The following STXBP3 variants were observed in gnomAD, a reference collection of about 807,000 sequenced individuals.
The protein encoded by STXBP3 is syntaxin-binding protein 3.
STXBP3 carries 41 observed loss-of-function variants against 85.7 expected under a neutral mutation model. The observed-to-expected ratio is 0.48, with a 90% CI of 0.37 to 0.62. STXBP3 has a LOEUF of 0.62. STXBP3 is among the 20% of genes least tolerant of loss of function. The pLI is 0.00. For missense variants in STXBP3, 563 were observed against 703.1 expected, an observed-to-expected ratio of 0.80 and a Z score of 2.25; for synonymous variants, 229 against 231.7, an observed-to-expected ratio of 0.99 and a Z score of 0.10.
At chr1:108,777,556 C>T (rs1474805693) in intron 8 of STXBP3, among the ~76,000 whole-genome samples, 1 of 152,148 alleles carries the variant, frequency 6.6e-6, no homozygotes, top group Non-Finnish European at 1.5e-5. Flanking sequence ...GCTTAGTACA[C>T]ATCGTAGATA....
intron 6 of STXBP3, among the ~76,000 whole-genome samples, chr1:108,765,085 T>G (rs1662230476): frequency 1.3e-5 from 2 of 152,192 alleles, no homozygotes; most frequent in East Asian, 1.9e-4. Flanking sequence ...CCAGTTTCAG[T>G]CTTCTGCATG....
intron 6 of STXBP3, among the ~76,000 whole-genome samples, chr1:108,771,505 G>GATATATATCTATATATATA (rs1209219859): frequency 1.6e-4 from 7 of 42,580 alleles, no homozygotes; most frequent in African/African-American, 3.7e-4. Context: ...AAATATATAT[G>GATATATATCTATATATATA]ATATATAAAT....
intron 11 of STXBP3, 109 bp downstream of exon 11, chr1:108,782,815 G>A (rs935850636): frequency 2.0e-5 from 19 of 950,630 alleles, no homozygotes; most frequent in African/African-American, 8.4e-5. Context: ...GTTCTAACAT[G>A]GAGGTAGAGA....
At chr1:108,748,554 G>A (rs778958350) in intron 1 of STXBP3, among the ~76,000 whole-genome samples, 2 of 151,058 alleles carry the variant, frequency 1.3e-5, no homozygotes, top group Non-Finnish European at 3.0e-5. Flanking sequence ...GCGTAAGCCC[G>A]GGCACAGTGG....
intron 2 of STXBP3, among the ~76,000 whole-genome samples, chr1:108,752,666 T>C (rs892858778): frequency 6.6e-6 from 1 of 152,200 alleles, no homozygotes; most frequent in African/African-American, 2.4e-5. Context: ...CATTTCCTTG[T>C]TTATAAAAAT....
At chr1:108,759,939 A>G (rs1200969626) in intron 5 of STXBP3, 46 bp from the exon 6 acceptor site, 6 of 1,193,902 alleles carry the variant, frequency 5.0e-6, no homozygotes, top group East Asian at 2.5e-5. Context: ...TTTAAAAGGA[A>G]TAAAATCTAG....
intron 3 of STXBP3, 108 bp from the exon 4 acceptor site, chr1:108,756,581 TA>T: frequency 1.9e-6 from 1 of 532,564 alleles, no homozygotes; most frequent in Non-Finnish European, 3.0e-6. Flanking sequence ...ATATTATTTG[TA>T]AATGTATTTT....
chr1:108,782,390 C>A (rs750854349), intron 9 of STXBP3, 32 bp from the exon 10 acceptor site: 15 of 1,512,248 alleles, frequency 9.9e-6, no homozygotes, highest in South Asian at 4.9e-5. Context: ...GGAAAAAAAT[C>A]AAAAAGTTTT....
rs754749240 is a variant in STXBP3 at position 108,802,567 on chromosome 1, G to A, written c.1535+2262G>A. 3.3e-4 allele frequency among the ~76,000 whole-genome samples: 50 copies of A among 152,176 alleles called. 1 individual carries two copies. The highest frequency in any genetic ancestry group is 8.8e-5 in the Non-Finnish European group (6 of 68,044). On this transcript the variant is annotated intron_variant, in intron 17 of 18. Transcript: ENST00000370008. ...TAACTTTTATCTGACTGAGCTGGGA[G>A]AGCAGTGAGGGTTAGATGCAGCCCA...
rs1366395481 is a variant in STXBP3 at position 108,772,460 on chromosome 1, CAT to C, written c.439-200_439-199del. Among the ~76,000 whole-genome samples the C allele has an allele frequency of 2.1e-5, 3 of 141,876 alleles. No individual in the cohort carries two copies. The East Asian group carries it at 6.0e-4, about 28-fold the overall frequency. 93.1% of individuals were successfully genotyped at this position (141,876 alleles called of 152,430 possible). A position where few individuals can be genotyped will look rare whatever the true frequency, so the allele number is the denominator to read the frequency against. On this transcript the variant is annotated intron_variant, in intron 6 of 18. Coordinates refer to ENST00000370008, the MANE Select transcript of STXBP3 (RefSeq NM_007269.4). Reference sequence around the variant, plus strand: ...TATCTATCTGTATAATATATAAATACATATATCTATCTGTATAATATATAAAT... The same window carrying C: ...TATCTATCTGTATAATATATAAATACATATCTATCTGTATAATATATAAAT...
chr1:108,793,592 G>T lies in STXBP3; in HGVS notation c.974G>T (p.Ser325Ile). ...KKATEGKTSL[S>I]ALTQLMKKMP... ...TTTGATTTTTCCTAGACATCACTTAGTGCTCTTACCCAGCTGATGAAAAAG... is the reference window on the plus strand; with the variant it reads ...TTTGATTTTTCCTAGACATCACTTATTGCTCTTACCCAGCTGATGAAAAAG... The change falls in exon 12 of 19, where the codon AGT becomes ATT. Residue 325 changes from serine to isoleucine, a missense_variant. Coordinates refer to ENST00000370008, the MANE Select transcript of STXBP3 (RefSeq NM_007269.4). 1.9e-6 allele frequency: 3 copies of T among 1,611,786 alleles called. No homozygotes were observed.
chr1:108,776,279 A>T lies in STXBP3; in HGVS notation c.594-54A>T, dbSNP rs1039527663. On this transcript the variant is annotated intron_variant, in intron 7 of 18. Transcript: ENST00000370008. ...TTTTAGAATTAAACTTCATGATATT[A>T]TAAAGTATACACTGAAAGAAAGATA... is the stretch of plus-strand genomic sequence containing the variant. 9 of 1,189,844 alleles carry T rather than the reference A, an allele frequency of 7.6e-6. No individual in the cohort carries two copies. The African/African-American group carries it at 1.4e-4, about 18-fold the overall frequency. 73.7% of individuals were successfully genotyped at this position (1,189,844 alleles called of 1,614,324 possible). A position where few individuals can be genotyped will look rare whatever the true frequency, so the allele number is the denominator to read the frequency against.
chr1:108,753,131 A>G lies in STXBP3; in HGVS notation c.168A>G (p.Glu56=). The G allele has an allele frequency of 6.3e-7, 1 of 1,588,734 alleles. No homozygotes were observed. The highest frequency in any genetic ancestry group is 1.4e-5 in the African/African-American group (1 of 74,016). The change falls in exon 3 of 19, where the codon GAA becomes GAG. Residue 56 remains glutamate (E), a synonymous_variant. Coordinates refer to ENST00000370008, the MANE Select transcript of STXBP3 (RefSeq NM_007269.4). ...ASCCKMTDLL[E]EGITVVENIY... ...GTTGCAAAATGACAGATCTTCTAGA[A>G]GAAGGTATTACTGGTAAGTGTTATT...
chr1:108,776,091 A>G (rs550789522), intron 7 of STXBP3, among the ~76,000 whole-genome samples: 13 of 152,178 alleles, frequency 8.5e-5, no homozygotes, highest in African/African-American at 3.1e-4. Flanking sequence ...TACATGTAAT[A>G]TTTTATTTCC....
chr1:108,779,473 A>G, intron 9 of STXBP3, 63 bp downstream of exon 9: 1 of 1,482,154 alleles, frequency 6.7e-7, no homozygotes, highest in Non-Finnish European at 9.0e-7. Flanking sequence ...TGAGCATTTA[A>G]TGATTTATAT....
intron 3 of STXBP3, among the ~76,000 whole-genome samples, chr1:108,755,281 A>G (rs1661995642): frequency 6.6e-6 from 1 of 152,058 alleles, no homozygotes; most frequent in Admixed American, 6.6e-5. Context: ...CTTTGTCTCT[A>G]CTAAAATCCA....
chr1:108,747,056 C>CG (rs1457384943), intron 1 of STXBP3, among the ~76,000 whole-genome samples: 1 of 152,082 alleles, frequency 6.6e-6, no homozygotes, highest in Non-Finnish European at 1.5e-5. Flanking sequence ...AGCTCCGCCC[C>CG]GGGTGAGCCG....
At chr1:108,799,597 CTTG>C (rs1663190153) in intron 16 of STXBP3, among the ~76,000 whole-genome samples, 1 of 152,092 alleles carries the variant, frequency 6.6e-6, no homozygotes, top group African/African-American at 2.4e-5. Context: ...GTTAATACTA[CTTG>C]TACTACCATG....
chr1:108,751,348 C>T (rs1344074343), intron 1 of STXBP3, among the ~76,000 whole-genome samples: 6 of 152,094 alleles, frequency 3.9e-5, no homozygotes, highest in Admixed American at 6.6e-5. Flanking sequence ...TATTGTACCA[C>T]AGTAACTGTT....
Sources: gnomAD v4.1 joint callset for allele counts (sites outside exome capture counted in the v4.1 genomes callset) on GRCh38, gnomAD v4.1.1 for gene constraint, MANE v1.5 for transcripts, NCBI Gene and HGNC (gene_info 2026-07-23, HGNC 2026-07-21) for gene names.